MCU: variants seen among roughly 807,000 people sequenced by gnomAD.
MCU encodes the protein mitochondrial calcium uniporter.
In MCU, 12 loss-of-function variants were observed where a neutral mutation model predicts 45.2. That is an observed-to-expected ratio of 0.27 (90% CI 0.17 to 0.43). The LOEUF is 0.43. Ranked by LOEUF, MCU falls within the 20% of genes least tolerant of loss-of-function variation. The pLI, the probability that MCU is intolerant of heterozygous loss-of-function variation, is 1.00. For missense variants in MCU, 324 were observed against 436.7 expected (o/e 0.74, Z 2.30); for synonymous variants, 160 against 165.1 (o/e 0.97, Z 0.24).
At position 72,697,426 on chromosome 10, in the gene MCU, ATTTTTTTTTTT is replaced by A. The variant is rs1001610262; in HGVS notation, c.150+5140_150+5150del. 4.3e-3 allele frequency among the ~76,000 whole-genome samples: 276 copies of A among 64,152 alleles called. 1 individual carries two copies. The highest frequency in any genetic ancestry group is 0.016 in the Middle Eastern group (1 of 62). The allele number at this position is 64,152 out of a possible 152,430, so 42.1% of individuals were successfully genotyped here. A position where few individuals can be genotyped will look rare whatever the true frequency, so the allele number is the denominator to read the frequency against. On this transcript the variant is annotated intron_variant, in intron 1 of 7. Coordinates refer to ENST00000373053, the MANE Select transcript of MCU (RefSeq NM_138357.3). Reference sequence around the variant, plus strand: ...GCCACTGCACCCAGGCCAGACTTCTATTTTTTTTTTTTTTTTTTTTTTTTTGAGACAGATTC... The same window carrying A: ...GCCACTGCACCCAGGCCAGACTTCTATTTTTTTTTTTTTTGAGACAGATTC...
chr10:72,714,345 CTTTTTTT>C (rs1160353409), intron 1 of MCU, among the ~76,000 whole-genome samples: 978 of 54,768 alleles, frequency 0.018, 66 homozygotes, highest in African/African-American at 0.059. Context: ...CCGCCCTGGT[CTTTTTTT>C]TTTTTTTTTT....
chr10:72,834,555 A>G, intron 2 of MCU, 127 bp downstream of exon 2: 1 of 649,354 alleles, frequency 1.5e-6, no homozygotes, highest in Admixed American at 3.0e-5. Context: ...GGGGTCAGAG[A>G]GAGAAAGGAG....
At chr10:72,871,657 C>A in intron 6 of MCU, 77 bp downstream of exon 6, 2 of 1,251,658 alleles carry the variant, frequency 1.6e-6, no homozygotes, top group Admixed American at 1.8e-5. Flanking sequence ...TTTTTCTCAT[C>A]TTCTAAAGCC....
chr10:72,838,393 C>T (rs1472379959), intron 2 of MCU, among the ~76,000 whole-genome samples: 4 of 152,118 alleles, frequency 2.6e-5, no homozygotes, highest in Non-Finnish European at 5.9e-5. Flanking sequence ...GCAGGAGGAT[C>T]TCTTGAGCTC....
intron 1 of MCU, among the ~76,000 whole-genome samples, chr10:72,746,386 C>T (rs757301678): frequency 2.6e-5 from 4 of 152,114 alleles, no homozygotes; most frequent in Non-Finnish European, 5.9e-5. Flanking sequence ...AAAGATTTTT[C>T]GTACAGGCGT....
chr10:72,787,793 G>A (rs1183926058), intron 1 of MCU, among the ~76,000 whole-genome samples: 3 of 150,962 alleles, frequency 2.0e-5, no homozygotes, highest in Non-Finnish European at 4.4e-5. Flanking sequence ...ATCTCAGCTC[G>A]CTGCAACCTC....
At chr10:72,751,341 CTTTTTTTTTT>C (rs71021528) in intron 1 of MCU, among the ~76,000 whole-genome samples, 61 of 44,748 alleles carry the variant, frequency 1.4e-3, no homozygotes, top group South Asian at 2.6e-3. Context: ...TCTTCTTCTT[CTTTTTTTTTT>C]TTTTTTTTTT....
At chr10:72,817,963 G>A (rs1425507622) in intron 1 of MCU, among the ~76,000 whole-genome samples, 1 of 152,160 alleles carries the variant, frequency 6.6e-6, no homozygotes, top group Non-Finnish European at 1.5e-5. Flanking sequence ...ACCTCTAAAT[G>A]TGAAAAATAT....
intron 1 of MCU, among the ~76,000 whole-genome samples, chr10:72,809,905 G>C (rs1380973703): frequency 6.6e-6 from 1 of 151,786 alleles, no homozygotes. Context: ...GGAGGGAGGA[G>C]GTAGTCAGCA....
At chr10:72,751,632 G>A (rs973829576) in intron 1 of MCU, among the ~76,000 whole-genome samples, 4 of 151,064 alleles carry the variant, frequency 2.6e-5, no homozygotes, top group East Asian at 2.0e-4. Flanking sequence ...CTGGGATTAC[G>A]GGTGTGAGCC....
chr10:72,768,764 C>T (rs1311280344), intron 1 of MCU, among the ~76,000 whole-genome samples: 4 of 152,092 alleles, frequency 2.6e-5, no homozygotes, highest in Admixed American at 6.5e-5. Flanking sequence ...TATTGAAAAA[C>T]TTAGTTTTTT....
chr10:72,823,090 T>A (rs1844739011), intron 1 of MCU, among the ~76,000 whole-genome samples: 1 of 152,152 alleles, frequency 6.6e-6, no homozygotes, highest in African/African-American at 2.4e-5. Flanking sequence ...TTATTCATAA[T>A]AGCTAAAAAG....
chr10:72,780,511 A>AGTGTGTGTCTGTGTGTGTGTGTGTGTGT (rs1843973300), intron 1 of MCU, among the ~76,000 whole-genome samples: 1 of 110,584 alleles, frequency 9.0e-6, no homozygotes, highest in Non-Finnish European at 1.8e-5. Flanking sequence ...TCTTTGGCTA[A>AGTGTGTGTCTGTGTGTGTGTGTGTGTGT]GTGTGTGTGT....
chr10:72,732,894 A>G (rs1015843365), intron 1 of MCU, among the ~76,000 whole-genome samples: 2 of 152,246 alleles, frequency 1.3e-5, no homozygotes, highest in Non-Finnish European at 2.9e-5. Flanking sequence ...AAGAGCATCC[A>G]TGAGACGAAA....
chr10:72,744,073 A>C (rs1350739824), intron 1 of MCU, among the ~76,000 whole-genome samples: 1 of 151,236 alleles, frequency 6.6e-6, no homozygotes, highest in East Asian at 1.9e-4. Flanking sequence ...ATTTATATAC[A>C]TAAATATATA....
chr10:72,796,914 A>T (rs990784949), intron 1 of MCU, among the ~76,000 whole-genome samples: 5 of 151,962 alleles, frequency 3.3e-5, no homozygotes, highest in African/African-American at 1.2e-4. Flanking sequence ...ATTTTGTTTT[A>T]TTGCAATATG....
intron 1 of MCU, among the ~76,000 whole-genome samples, chr10:72,799,219 C>T (rs774381264): frequency 1.3e-5 from 2 of 152,198 alleles, no homozygotes; most frequent in African/African-American, 2.4e-5. Flanking sequence ...CCATCACGCC[C>T]GGCCTCAACC....
chr10:72,747,670 AG>A (rs934862410), intron 1 of MCU, among the ~76,000 whole-genome samples: 1 of 152,162 alleles, frequency 6.6e-6, no homozygotes, highest in African/African-American at 2.4e-5. Flanking sequence ...TACCAAAAAA[AG>A]AAAGGAAAAA....
intron 1 of MCU, among the ~76,000 whole-genome samples, chr10:72,790,240 C>T (rs16930108): frequency 0.026 from 3,989 of 152,242 alleles, 75 homozygotes; most frequent in Admixed American, 0.038. Flanking sequence ...TTGCAAAATT[C>T]ACCAAAGAAG....
Sources: gnomAD v4.1 joint callset for allele counts (sites outside exome capture counted in the v4.1 genomes callset) on GRCh38, gnomAD v4.1.1 for gene constraint, MANE v1.5 for transcripts, NCBI Gene and HGNC (gene_info 2026-07-23, HGNC 2026-07-21) for gene names.